RSRC1: variants seen among roughly 807,000 people sequenced by gnomAD.
RSRC1 encodes the protein serine/Arginine-related protein 53.
In RSRC1, 39 loss-of-function variants were observed where a neutral mutation model predicts 49.1. That is an observed-to-expected ratio of 0.79 (90% CI 0.61 to 1.04). RSRC1 has a LOEUF of 1.04. RSRC1 is among the 50% of genes least tolerant of loss of function. The pLI, the probability that RSRC1 is intolerant of heterozygous loss-of-function variation, is 0.00. For missense variants in RSRC1, 388 were observed against 402.4 expected, an observed-to-expected ratio of 0.96 and a Z score of 0.31; for synonymous variants, 143 against 130.8, an observed-to-expected ratio of 1.09 and a Z score of -0.63.
At chr3:158,211,474 C>G (rs1471941542) in intron 4 of RSRC1, among the ~76,000 whole-genome samples, 2 of 152,060 alleles carry the variant, frequency 1.3e-5, no homozygotes, top group East Asian at 3.9e-4. Flanking sequence ...AGATTCAAAA[C>G]TAGCTTCTTC....
intron 7 of RSRC1, among the ~76,000 whole-genome samples, chr3:158,494,927 A>G (rs1212413830): frequency 1.3e-5 from 2 of 152,212 alleles, no homozygotes; most frequent in African/African-American, 4.8e-5. Context: ...CTGTTATGAT[A>G]AAAAATATAG....
intron 6 of RSRC1, among the ~76,000 whole-genome samples, chr3:158,445,415 A>C (rs182139726): frequency 0.011 from 1,656 of 152,184 alleles, 33 homozygotes; most frequent in African/African-American, 0.038. Flanking sequence ...CAAAAAACCA[A>C]ACACCACATG....
intron 4 of RSRC1, among the ~76,000 whole-genome samples, chr3:158,204,794 A>C (rs1721256917): frequency 2.0e-5 from 3 of 152,148 alleles, no homozygotes; most frequent in Admixed American, 2.0e-4. Flanking sequence ...TGGTCATTAA[A>C]TTTTTGCCTT....
chr3:158,322,910 AGTTTT>A (rs1487076889), intron 5 of RSRC1, among the ~76,000 whole-genome samples: 2 of 151,674 alleles, frequency 1.3e-5, no homozygotes, highest in Non-Finnish European at 2.9e-5. Flanking sequence ...TCATCTAGTG[AGTTTT>A]GTTTTGTTTA....
At chr3:158,122,690 A>G (rs1257513052) in intron 2 of RSRC1, among the ~76,000 whole-genome samples, 2 of 151,938 alleles carry the variant, frequency 1.3e-5, no homozygotes, top group Admixed American at 1.3e-4. Context: ...TTAACTCGTC[A>G]TTTACATTAG....
intron 4 of RSRC1, among the ~76,000 whole-genome samples, chr3:158,293,376 C>T (rs996571965): frequency 1.3e-5 from 2 of 152,060 alleles, no homozygotes; most frequent in Admixed American, 1.3e-4. Context: ...ACTTGCTGCC[C>T]CAGCTTTCTT....
At chr3:158,152,214 T>A (rs1420332182) in intron 3 of RSRC1, among the ~76,000 whole-genome samples, 1 of 152,156 alleles carries the variant, frequency 6.6e-6, no homozygotes, top group Admixed American at 6.5e-5. Flanking sequence ...TAGCTGAACT[T>A]CAGTTTTAGG....
At chr3:158,197,592 A>C (rs1009540899) in intron 3 of RSRC1, among the ~76,000 whole-genome samples, 2 of 151,880 alleles carry the variant, frequency 1.3e-5, no homozygotes, top group Non-Finnish European at 2.9e-5. Context: ...TTAGGATGTC[A>C]ATTTTAGATC....
chr3:158,378,500 TG>T (rs1732505032), intron 6 of RSRC1, among the ~76,000 whole-genome samples: 1 of 152,256 alleles, frequency 6.6e-6, no homozygotes, highest in South Asian at 2.1e-4. Context: ...TATTGTCTTT[TG>T]TTTTAGCAGG....
chr3:158,419,120 A>G (rs1190702175), intron 6 of RSRC1, among the ~76,000 whole-genome samples: 2 of 152,024 alleles, frequency 1.3e-5, no homozygotes, highest in Non-Finnish European at 2.9e-5. Context: ...TTACAAGTAT[A>G]TTTAAATTAT....
intron 7 of RSRC1, among the ~76,000 whole-genome samples, chr3:158,510,303 C>G (rs1278403848): frequency 6.6e-6 from 1 of 152,056 alleles, no homozygotes. Flanking sequence ...ATTGGTTTAT[C>G]TTTTACTAGT....
intron 3 of RSRC1, among the ~76,000 whole-genome samples, chr3:158,144,633 C>G (rs541117052): frequency 1.3e-5 from 2 of 152,232 alleles, no homozygotes; most frequent in East Asian, 3.9e-4. Context: ...GATTTATAAT[C>G]CTTTGGATAT....
chr3:158,327,839 G>T (rs1414535151), intron 5 of RSRC1, among the ~76,000 whole-genome samples: 4 of 152,106 alleles, frequency 2.6e-5, no homozygotes, highest in Non-Finnish European at 5.9e-5. Flanking sequence ...GGGTGTTAAA[G>T]TCTCCCATTA....
intron 4 of RSRC1, among the ~76,000 whole-genome samples, chr3:158,209,833 C>T (rs1721563866): frequency 6.6e-6 from 1 of 152,032 alleles, no homozygotes; most frequent in African/African-American, 2.4e-5. Flanking sequence ...ACTTAAAAAG[C>T]TGTAAGTATT....
chr3:158,140,522 T>C (rs898325304), intron 3 of RSRC1, among the ~76,000 whole-genome samples: 7 of 152,216 alleles, frequency 4.6e-5, no homozygotes, highest in Non-Finnish European at 1.0e-4. Flanking sequence ...TTTCCAGAGC[T>C]CTCTTATTTT....
Position 158,354,844 on chromosome 3 carries a change from T to G in RSRC1, c.532-13T>G, listed in dbSNP as rs750216356. On this transcript the variant is annotated splice_polypyrimidine_tract_variant and intron_variant, in intron 5 of 9. Transcript: ENST00000611884. ...GTCTTGTATGGTTGAATTTTTTTTT[T>G]TTTCTTTTTTAGCCACCAGCTGAAC... 26 of 1,542,152 alleles carry G rather than the reference T, an allele frequency of 1.7e-5. No individual in the cohort carries two copies. The highest frequency in any genetic ancestry group is 2.1e-5 in the Non-Finnish European group (24 of 1,145,764).
At chr3:158,461,197 G>C (rs1029509416) in intron 7 of RSRC1, among the ~76,000 whole-genome samples, 194 bp downstream of exon 7, 18 of 151,832 alleles carry the variant, frequency 1.2e-4, no homozygotes, top group Non-Finnish European at 2.1e-4. Context: ...TTATAAGCAT[G>C]CTATTATATA....
intron 5 of RSRC1, among the ~76,000 whole-genome samples, chr3:158,329,896 T>G (rs967526227): frequency 6.6e-6 from 1 of 152,212 alleles, no homozygotes; most frequent in African/African-American, 2.4e-5. Context: ...TTCGAGCTTC[T>G]GGGCTGCTTT....
Position 158,306,826 on chromosome 3 carries a change from C to G in RSRC1, c.531+8751C>G, listed in dbSNP as rs183225907. 3.5e-3 allele frequency among the ~76,000 whole-genome samples: 535 copies of G among 151,866 alleles called. 2 individuals are homozygous for G. The highest frequency in any genetic ancestry group is 0.012 in the African/African-American group (498 of 41,484). On this transcript the variant is annotated intron_variant, in intron 5 of 9. Coordinates refer to ENST00000611884, the MANE Select transcript of RSRC1 (RefSeq NM_001271838.2). The stretch of plus-strand genomic sequence containing the variant: ...CATCGTATTATAGTATAATTTCTTT[C>G]CTTGTTGACTCTACCTTTTAAGTAA...
Sources: gnomAD v4.1 joint callset for allele counts (sites outside exome capture counted in the v4.1 genomes callset) on GRCh38, gnomAD v4.1.1 for gene constraint, MANE v1.5 for transcripts, NCBI Gene and HGNC (gene_info 2026-07-23, HGNC 2026-07-21) for gene names.